The following CNTNAP2 variants were observed in gnomAD, a reference collection of about 807,000 sequenced individuals.
CNTNAP2 encodes contactin-associated protein-like 2.
CNTNAP2 carries 98 observed loss-of-function variants against 155.2 expected under a neutral mutation model. The ratio of observed to expected loss-of-function variants is 0.63; its 90% CI spans 0.54 to 0.75. CNTNAP2 has a LOEUF of 0.75. Ranked by LOEUF, CNTNAP2 falls within the 30% of genes least tolerant of loss-of-function variation. The pLI is 0.00. For synonymous variants in CNTNAP2, 651 were observed against 631.2 expected, an observed-to-expected ratio of 1.03 and a Z score of -0.47; for missense variants, 1,727 against 1,688.1, an observed-to-expected ratio of 1.02 and a Z score of -0.40.
intron 1 of CNTNAP2, among the ~76,000 whole-genome samples, chr7:146,655,086 C>G (rs574379438): frequency 4.0e-4 from 61 of 152,004 alleles, no homozygotes; most frequent in African/African-American, 1.2e-3. Flanking sequence ...TAAGTATATT[C>G]AAGTTATAAG....
rs1173484065 is a variant in CNTNAP2 at position 147,441,861 on chromosome 7, C to T, written c.1671-44074C>T. ...TCTCTCTCTCTCTCTCCCTCCCTCC[C>T]TCCCTCCCTCCCTCCCTCCGTCTCT... On this transcript the variant is annotated intron_variant, in intron 10 of 23. Transcript: ENST00000361727. Among the ~76,000 whole-genome samples the T allele has an allele frequency of 1.5e-3, 189 of 122,424 alleles. 3 individuals are homozygous for T. The highest frequency in any genetic ancestry group is 4.4e-3 in the African/African-American group (137 of 31,438). The allele number at this position is 122,424 out of a possible 152,430, so 80.3% of individuals were successfully genotyped here.
chr7:148,414,359 C>T (rs1442544836), intron 23 of CNTNAP2, among the ~76,000 whole-genome samples: 1 of 152,138 alleles, frequency 6.6e-6, no homozygotes, highest in East Asian at 1.9e-4. Context: ...GGATTACAGG[C>T]GCGAGCCACT....
At chr7:147,432,145 G>A (rs943155090) in intron 10 of CNTNAP2, among the ~76,000 whole-genome samples, 5 of 152,102 alleles carry the variant, frequency 3.3e-5, no homozygotes, top group African/African-American at 1.2e-4. Flanking sequence ...CTTTAGAACC[G>A]AGTTTCTTAA....
chr7:147,104,853 ATTC>A (rs1800727078), intron 4 of CNTNAP2, among the ~76,000 whole-genome samples: 1 of 131,674 alleles, frequency 7.6e-6, no homozygotes, highest in South Asian at 2.5e-4. Context: ...CACTGTCTTT[ATTC>A]TTCTCCCTTC....
intron 1 of CNTNAP2, among the ~76,000 whole-genome samples, chr7:146,401,780 G>A (rs1795717765): frequency 6.6e-6 from 1 of 152,050 alleles, no homozygotes; most frequent in South Asian, 2.1e-4. Context: ...TCAGTGAAAA[G>A]CAATCTAGAC....
intron 11 of CNTNAP2, among the ~76,000 whole-genome samples, chr7:147,504,804 ATAATT>A (rs1408387279): frequency 6.8e-6 from 1 of 146,158 alleles, no homozygotes; most frequent in Non-Finnish European, 1.5e-5. Flanking sequence ...GTTTAAAAAT[ATAATT>A]TAAAAACTAT....
chr7:148,177,949 A>T (rs1291193820), intron 18 of CNTNAP2, among the ~76,000 whole-genome samples: 2 of 145,106 alleles, frequency 1.4e-5, no homozygotes, highest in Non-Finnish European at 3.0e-5. Flanking sequence ...ATTGACTCTT[A>T]TTGAGCAAAC....
chr7:148,415,132 G>T (rs1799950307), intron 23 of CNTNAP2, among the ~76,000 whole-genome samples: 1 of 152,114 alleles, frequency 6.6e-6, no homozygotes, highest in African/African-American at 2.4e-5. Flanking sequence ...CAGACATCAT[G>T]GTTCCTTTCT....
chr7:147,411,002 T>C (rs1797093459), intron 10 of CNTNAP2, among the ~76,000 whole-genome samples: 1 of 152,230 alleles, frequency 6.6e-6, no homozygotes, highest in Admixed American at 6.5e-5. Flanking sequence ...CAACTTCTGA[T>C]AGGACTCAAC....
intron 15 of CNTNAP2, among the ~76,000 whole-genome samples, chr7:148,106,752 A>G (rs1454539753): frequency 6.6e-6 from 1 of 152,126 alleles, no homozygotes; most frequent in Non-Finnish European, 1.5e-5. Context: ...TATTTTTACT[A>G]AATCAAAACT....
rs566045460 is a variant in CNTNAP2, at chr7:146,774,105, A to G, written c.98-166A>G. On this transcript the variant is annotated intron_variant, in intron 1 of 23. Transcript: ENST00000361727. ...GGGTTATATAAACAGCTCCTGTGTT[A>G]TATTATATTTAGGATAACAGAATTG... Among the ~76,000 whole-genome samples, 5 of 152,330 alleles carry G rather than the reference A, an allele frequency of 3.3e-5. No homozygotes were observed. The East Asian group carries it at 7.7e-4, about 23-fold the overall frequency.
intron 11 of CNTNAP2, among the ~76,000 whole-genome samples, chr7:147,509,068 G>T: frequency 6.6e-6 from 1 of 152,172 alleles, no homozygotes; most frequent in Non-Finnish European, 1.5e-5. Context: ...CCACTCAGCT[G>T]CAGGCATTCT....
chr7:147,908,029 A>G (rs7789789), intron 14 of CNTNAP2, among the ~76,000 whole-genome samples: 13,183 of 151,744 alleles, frequency 0.087, 1,373 homozygotes, highest in African/African-American at 0.24. Context: ...TCAGCCTCCC[A>G]AAGTGTTAGG....
chr7:146,334,987 G>C (rs73740443), intron 1 of CNTNAP2, among the ~76,000 whole-genome samples: 10,997 of 152,220 alleles, frequency 0.072, 1,135 homozygotes, highest in African/African-American at 0.23. Flanking sequence ...ATCACTTGTA[G>C]TAGAGTCAGT....
chr7:146,264,401 A>G (rs1799963205), intron 1 of CNTNAP2, among the ~76,000 whole-genome samples: 1 of 152,090 alleles, frequency 6.6e-6, no homozygotes, highest in Non-Finnish European at 1.5e-5. Context: ...CAGTGAGCCG[A>G]GATCATGCCA....
At chr7:146,636,487 A>G (rs984564357) in intron 1 of CNTNAP2, among the ~76,000 whole-genome samples, 1 of 152,128 alleles carries the variant, frequency 6.6e-6, no homozygotes, top group African/African-American at 2.4e-5. Flanking sequence ...ATCTTTTCCA[A>G]TTTTTGCCTC....
At chr7:147,075,460 G>A (rs1049364046) in intron 4 of CNTNAP2, among the ~76,000 whole-genome samples, 5 of 151,980 alleles carry the variant, frequency 3.3e-5, no homozygotes, top group Non-Finnish European at 7.4e-5. Context: ...CAGCACGAAA[G>A]CTTTATTATA....
chr7:146,910,682 G>C (rs2129216811), intron 3 of CNTNAP2, among the ~76,000 whole-genome samples: 1 of 150,426 alleles, frequency 6.6e-6, no homozygotes, highest in East Asian at 1.9e-4. Context: ...TTAAACGTTA[G>C]ACCTAAAACC....
intron 9 of CNTNAP2, among the ~76,000 whole-genome samples, chr7:147,370,451 CT>C (rs1217188284): frequency 6.6e-6 from 1 of 152,028 alleles, no homozygotes; most frequent in Non-Finnish European, 1.5e-5. Flanking sequence ...CTCAAGAAAA[CT>C]GATGGTTAAA....
Sources: gnomAD v4.1 joint callset for allele counts (sites outside exome capture counted in the v4.1 genomes callset) on GRCh38, gnomAD v4.1.1 for gene constraint, MANE v1.5 for transcripts, NCBI Gene and HGNC (gene_info 2026-07-23, HGNC 2026-07-21) for gene names.